Variants in COL24A1 observed in about 807,000 individuals in gnomAD.
COL24A1 encodes the protein collagen alpha-1(XXIV) chain.
In COL24A1, 224 loss-of-function variants were observed where a neutral mutation model predicts 253.9. The ratio of observed to expected loss-of-function variants is 0.88; its 90% CI spans 0.79 to 0.99. The LOEUF is 0.99. COL24A1 is among the 50% of genes least tolerant of loss of function. The probability of loss-of-function intolerance (pLI) is 0.00; values close to 1 mark genes in which losing one functional copy is unlikely to be tolerated. For synonymous variants in COL24A1, 685 were observed against 673.7 expected (o/e 1.02, Z -0.26); for missense variants, 2,131 against 2,068.5 (o/e 1.03, Z -0.59).
At chr1:85,997,581 G>C (rs1282122207) in intron 19 of COL24A1, among the ~76,000 whole-genome samples, 2 of 151,944 alleles carry the variant, frequency 1.3e-5, no homozygotes, top group Non-Finnish European at 2.9e-5. Context: ...TCAGGAGTTC[G>C]AGACCATCCT....
intron 52 of COL24A1, among the ~76,000 whole-genome samples, chr1:85,779,385 A>AT (rs377325728): frequency 2.5e-4 from 38 of 149,466 alleles, no homozygotes; most frequent in South Asian, 6.4e-4. Context: ...ACTTTATGTC[A>AT]TTTTTTTTTT....
chr1:85,906,487 G>A (rs1684852159), intron 28 of COL24A1, among the ~76,000 whole-genome samples: 1 of 151,418 alleles, frequency 6.6e-6, no homozygotes, highest in South Asian at 2.1e-4. Context: ...TACTGCTTGT[G>A]CCATTTCTGT....
At chr1:86,150,394 C>G (rs1034194529) in intron 1 of COL24A1, among the ~76,000 whole-genome samples, 1 of 152,130 alleles carries the variant, frequency 6.6e-6, no homozygotes, top group African/African-American at 2.4e-5. Context: ...AGGAAATGAT[C>G]AAAAGTATTA....
chr1:85,858,386 T>C (rs993664935), intron 37 of COL24A1, among the ~76,000 whole-genome samples: 13 of 147,340 alleles, frequency 8.8e-5, no homozygotes, highest in African/African-American at 3.4e-4. Flanking sequence ...TACAGGGCTC[T>C]TTTTCATTTT....
At chr1:86,114,802 T>G (rs978784806) in intron 4 of COL24A1, among the ~76,000 whole-genome samples, 3 of 152,192 alleles carry the variant, frequency 2.0e-5, no homozygotes, top group Non-Finnish European at 4.4e-5. Context: ...TATCCACACT[T>G]TTTTTAGGTT....
In COL24A1 at chr1:86,078,786, T is replaced by G. The variant is rs559977947; in HGVS notation, c.1707+10388A>C. Among the ~76,000 whole-genome samples the G allele has an allele frequency of 2.0e-5, 3 of 152,192 alleles. No homozygotes were observed. In the East Asian group the frequency reaches 5.8e-4, roughly 29 times the overall value. ...CTCTATAATAAAAACTATAAAACAC[T>G]GATGAAAGAAATTGAAGAGGACACC... On this transcript the variant is annotated intron_variant, in intron 7 of 59. Coordinates refer to ENST00000370571, the MANE Select transcript of COL24A1 (RefSeq NM_152890.7).
At chr1:85,868,956 T>G (rs540758818) in intron 35 of COL24A1, 121 bp from the exon 36 acceptor site, 16 of 604,642 alleles carry the variant, frequency 2.6e-5, no homozygotes, top group South Asian at 2.5e-4. Flanking sequence ...TTTCTACTAC[T>G]TTATTTCTAA....
intron 2 of COL24A1, among the ~76,000 whole-genome samples, chr1:86,140,084 C>T (rs1300406600): frequency 2.6e-5 from 4 of 152,166 alleles, no homozygotes; most frequent in Non-Finnish European, 5.9e-5. Context: ...TTCTTCTAAT[C>T]AAAGTTATTG....
chr1:85,943,709 A>C (rs1403818194), intron 24 of COL24A1, among the ~76,000 whole-genome samples: 1 of 152,266 alleles, frequency 6.6e-6, no homozygotes, highest in Non-Finnish European at 1.5e-5. Flanking sequence ...ACCACTCTTT[A>C]AATACGAGTG....
chr1:85,874,603 A>G (rs1287902740), intron 35 of COL24A1, 46 bp downstream of exon 35: 9 of 1,557,548 alleles, frequency 5.8e-6, no homozygotes, highest in Non-Finnish European at 7.9e-6. Context: ...TGAGCCTCTG[A>G]AAGAAGTGGG....
At position 85,837,532 on chromosome 1, in the gene COL24A1, T is replaced by A. The variant is rs138144349; in HGVS notation, c.3681+1053A>T. Among the ~76,000 whole-genome samples, 738 of 152,310 alleles carry A rather than the reference T, an allele frequency of 4.8e-3. 8 individuals are homozygous for A. Among genetic ancestry groups the A allele is most frequent in the African/African-American group, 0.017 (710 of 41,564 alleles). Reference sequence around the variant, plus strand: ...TCAACTCATTATTAAAAGCTTATTATGTACAGGGATTAGAACTAGACGTTG... The same window carrying A: ...TCAACTCATTATTAAAAGCTTATTAAGTACAGGGATTAGAACTAGACGTTG... On this transcript the variant is annotated intron_variant, in intron 43 of 59. Transcript: ENST00000370571.
At chr1:86,063,801 C>A in intron 7 of COL24A1, 42 bp from the exon 8 acceptor site, 2 of 1,401,840 alleles carry the variant, frequency 1.4e-6, no homozygotes, top group Non-Finnish European at 1.9e-6. Flanking sequence ...AAAGTAAACT[C>A]ATATAAGCCA....
chr1:85,746,521 C>A (rs1056759697), intron 55 of COL24A1, among the ~76,000 whole-genome samples: 1 of 152,028 alleles, frequency 6.6e-6, no homozygotes, highest in Admixed American at 6.6e-5. Flanking sequence ...TAAATTATCT[C>A]AAAAATCCTA....
At chr1:86,035,986 T>C (rs1040314040) in intron 12 of COL24A1, among the ~76,000 whole-genome samples, 2 of 152,138 alleles carry the variant, frequency 1.3e-5, no homozygotes, top group Non-Finnish European at 2.9e-5. Context: ...TATCACAAAA[T>C]ACTTACTTTC....
intron 24 of COL24A1, among the ~76,000 whole-genome samples, chr1:85,946,090 A>T (rs1689296200): frequency 6.6e-6 from 1 of 152,152 alleles, no homozygotes; most frequent in African/African-American, 2.4e-5. Flanking sequence ...TATGCTAAAC[A>T]CTTGTTTTCC....
At chr1:86,060,962 G>A (rs1372114678) in intron 8 of COL24A1, among the ~76,000 whole-genome samples, 1 of 151,732 alleles carries the variant, frequency 6.6e-6, no homozygotes. Flanking sequence ...ACTATTTCAA[G>A]TATTTTATAG....
intron 25 of COL24A1, among the ~76,000 whole-genome samples, chr1:85,911,109 G>A (rs1231580596): frequency 6.6e-6 from 1 of 151,836 alleles, no homozygotes; most frequent in Non-Finnish European, 1.5e-5. Context: ...TCATGAAGTC[G>A]ATTTACATAA....
rs1016494911 is a variant in COL24A1 at position 86,156,617 on chromosome 1, G to C, written c.-221C>G. On this transcript the variant is annotated 5_prime_UTR_variant, in exon 1 of 60. Transcript: ENST00000370571. ...GACAGGCTTCCTAGCTCTCTGGCTC[G>C]GTAACGAACGAGCCCAGGGTTGCGC... The C allele has an allele frequency of 1.0e-5, 4 of 396,804 alleles. No homozygotes were observed. The highest frequency in any genetic ancestry group is 2.1e-5 in the African/African-American group (1 of 48,056). 24.6% of individuals were successfully genotyped at this position (396,804 alleles called of 1,614,324 possible).
chr1:85,915,810 G>A (rs1249057389), intron 24 of COL24A1, among the ~76,000 whole-genome samples: 4 of 152,004 alleles, frequency 2.6e-5, no homozygotes, highest in Non-Finnish European at 4.4e-5. Flanking sequence ...CACCGTGCCC[G>A]GCTAATTTTT....
Sources: allele counts gnomAD v4.1 joint callset (sites outside exome capture counted in the v4.1 genomes callset), GRCh38; gene constraint gnomAD v4.1.1; transcripts MANE v1.5; gene names NCBI Gene and HGNC (gene_info 2026-07-23, HGNC 2026-07-21).